The following EGFL7 variants were observed in gnomAD, a reference collection of about 807,000 sequenced individuals.
EGFL7 encodes EGF like domain multiple 7, also known as epidermal growth factor-like protein 7.
Under a neutral mutation model 37.1 loss-of-function variants are expected in EGFL7, and 48 were observed. The ratio of observed to expected loss-of-function variants is 1.29; its 90% CI spans 1.03 to 1.65. The LOEUF (loss-of-function observed/expected upper bound fraction) is 1.65. Among genes scored for constraint, EGFL7 ranks in the 40% most tolerant of loss-of-function variants. EGFL7 has a pLI of 0.00. For synonymous variants in EGFL7, 180 were observed against 156.8 expected, an observed-to-expected ratio of 1.15 and a Z score of -1.10; for missense variants, 384 against 378.9, an observed-to-expected ratio of 1.01 and a Z score of -0.11.
At chr9:136,669,522 C>T (rs1845698682) in intron 5 of EGFL7, 84 bp from the exon 6 acceptor site, 1 of 982,322 alleles carries the variant, frequency 1.0e-6, no homozygotes, top group Non-Finnish European at 1.6e-6. Context: ...TGACCCTGTG[C>T]ACTCTGAGAG....
In EGFL7 at chr9:136,670,969, GGAA is replaced by G. The variant is rs1845819135; in HGVS notation, c.596_598del (p.Glu199del). 2.6e-6 allele frequency: 4 copies of G among 1,518,766 alleles called. No homozygotes were observed. Among genetic ancestry groups the G allele is most frequent in the Non-Finnish European group, 3.5e-6 (4 of 1,139,174 alleles). 94.1% of individuals were successfully genotyped at this position (1,518,766 alleles called of 1,614,324 possible). On this transcript the variant is annotated inframe_deletion, in exon 9 of 11. Coordinates refer to ENST00000308874, the MANE Select transcript of EGFL7 (RefSeq NM_016215.5). ...CCGCAGGAGTGGACAGTGCAATGAA[GGAA>G]GAAGTGCAGAGGCTGCAGTCCAGGG...
At chr9:136,671,616 C>A (rs560538641) in intron 9 of EGFL7, among the ~76,000 whole-genome samples, 2 of 151,854 alleles carry the variant, frequency 1.3e-5, no homozygotes, top group African/African-American at 4.8e-5. Flanking sequence ...CCTCCCCACC[C>A]CCCCATCTTT....
At position 136,670,027 on chromosome 9, in the gene EGFL7, C is replaced by T; in HGVS notation, c.409+18C>T. 1 of 1,586,610 alleles carries T rather than the reference C, an allele frequency of 6.3e-7. No individual in the cohort carries two copies. Among genetic ancestry groups the T allele is most frequent in the East Asian group, 2.2e-5 (1 of 44,460 alleles). On this transcript the variant is annotated intron_variant, in intron 7 of 10. Transcript: ENST00000308874. The stretch of plus-strand genomic sequence containing the variant: ...CCAGTCAGGTGAGGCTGGCTCTACC[C>T]TGGGGGGCCCTGGAAGGGTCCTGGG...
At chr9:136,667,282 C>T (rs1361430101) in intron 3 of EGFL7, among the ~76,000 whole-genome samples, 1 of 152,214 alleles carries the variant, frequency 6.6e-6, no homozygotes, top group Non-Finnish European at 1.5e-5. Context: ...CCTGGCCTTT[C>T]CCTGCGGAGG....
chr9:136,668,547 AC>A lies in EGFL7; in HGVS notation c.81-5del, dbSNP rs1340274009. ...GGACTCCTGGGCTGACCCCCTCTCCACCCCCGCAGCCGTAGGGTGTGTGCTG... is the reference window on the plus strand; with the variant it reads ...GGACTCCTGGGCTGACCCCCTCTCCACCCCGCAGCCGTAGGGTGTGTGCTG... On this transcript the variant is annotated splice_polypyrimidine_tract_variant and intron_variant, in intron 4 of 10. Coordinates refer to ENST00000308874, the MANE Select transcript of EGFL7 (RefSeq NM_016215.5). The A allele has an allele frequency of 3.7e-6, 6 of 1,605,514 alleles. No homozygotes were observed. Among genetic ancestry groups the A allele is most frequent in the African/African-American group, 2.7e-5 (2 of 74,578 alleles).
chr9:136,670,866 G>A (rs1845809227), intron 8 of EGFL7, 84 bp from the exon 9 acceptor site: 5 of 1,327,120 alleles, frequency 3.8e-6, no homozygotes, highest in Non-Finnish European at 5.2e-6. Context: ...TTCTGGCTCT[G>A]CCTCTCCCTG....
chr9:136,664,944 ATTG>A (rs977151912), intron 3 of EGFL7, among the ~76,000 whole-genome samples, 159 bp downstream of exon 3: 3 of 152,206 alleles, frequency 2.0e-5, no homozygotes, highest in Non-Finnish European at 4.4e-5. Flanking sequence ...AGCTGTAACA[ATTG>A]TTGTGTGGCC....
At chr9:136,671,724 A>T (rs905331446) in intron 9 of EGFL7, among the ~76,000 whole-genome samples, 1 of 151,392 alleles carries the variant, frequency 6.6e-6, no homozygotes, top group Non-Finnish European at 1.5e-5. Context: ...GGCTGGGACC[A>T]CCCCGCCAGC....
Position 136,670,205 on chromosome 9 carries a change from C to T in EGFL7, c.446C>T (p.Pro149Leu). ...TGCAGTGCTAGGAGGGGCGGCTGTC[C>T]CCAGCGCTGCGTCAACACCGCCGGC... ...DECSARRGGC[P>L]QRCVNTAGSY... The change falls in exon 8 of 11, where the codon CCC (proline) becomes CTC (leucine). Residue 149 changes from proline (P) to leucine (L), a missense_variant. Coordinates refer to ENST00000308874, the MANE Select transcript of EGFL7 (RefSeq NM_016215.5). The T allele has an allele frequency of 1.9e-6, 3 of 1,612,580 alleles. No individual in the cohort carries two copies. Among genetic ancestry groups the T allele is most frequent in the Non-Finnish European group, 2.5e-6 (3 of 1,179,812 alleles).
chr9:136,671,861 C>T (rs931009541), intron 9 of EGFL7, 65 bp from the exon 10 acceptor site: 1 of 1,440,726 alleles, frequency 6.9e-7, no homozygotes, highest in South Asian at 1.4e-5. Flanking sequence ...GGGGTCCTCC[C>T]TAGACCCCGG....
chr9:136,661,937 G>A (rs1181593679), upstream of EGFL7, among the ~76,000 whole-genome samples: 2 of 152,194 alleles, frequency 1.3e-5, no homozygotes. Context: ...GTTGGGAGAG[G>A]CCCTGCTCTC....
chr9:136,672,137 G>C, intron 10 of EGFL7, 49 bp downstream of exon 10: 2 of 1,563,390 alleles, frequency 1.3e-6, no homozygotes, highest in Non-Finnish European at 1.7e-6. Context: ...TGGGCCCAGT[G>C]GGCCTAGAGG....
rs548805096 is a variant in EGFL7 at position 136,668,133 on chromosome 9, A to G, written c.-42-108A>G. 20 of 626,800 alleles carry G rather than the reference A, an allele frequency of 3.2e-5. No individual in the cohort carries two copies. In the African/African-American group the frequency reaches 3.5e-4, roughly 11 times the overall value. 38.8% of individuals were successfully genotyped at this position (626,800 alleles called of 1,614,324 possible). A position where few individuals can be genotyped will look rare whatever the true frequency, so the allele number is the denominator to read the frequency against. On this transcript the variant is annotated intron_variant, in intron 3 of 10. Coordinates refer to ENST00000308874, the MANE Select transcript of EGFL7 (RefSeq NM_016215.5). ...CACCGTGGGGCTGTCCCACCGGTGG[A>G]GGCTCCAGCGGAGATGAGCTGGGCA... is the stretch of plus-strand genomic sequence containing the variant.
chr9:136,665,794 C>G (rs1845428887), intron 3 of EGFL7: 1 of 145,742 alleles, frequency 6.9e-6, no homozygotes, highest in African/African-American at 2.5e-5. Flanking sequence ...GTGGCGGCGG[C>G]GCGTGCGCGC....
Position 136,666,487 on chromosome 9 carries a change from G to GC in EGFL7, c.-43+1710dup, listed in dbSNP as rs570055387. 9.4e-4 allele frequency among the ~76,000 whole-genome samples: 143 copies of GC among 151,854 alleles called. No individual in the cohort carries two copies. Among genetic ancestry groups the GC allele is most frequent in the East Asian group, 4.1e-3 (21 of 5,150 alleles). Reference sequence around the variant, plus strand: ...CCGGCACCCCTGGGTCGAGGCCGTGGCCCCCCCCGGGGAAATGGGGCTTGC... The same window carrying GC: ...CCGGCACCCCTGGGTCGAGGCCGTGGCCCCCCCCCGGGGAAATGGGGCTTGC... On this transcript the variant is annotated intron_variant, in intron 3 of 10. Transcript: ENST00000308874. The surrounding 1 kb of genome is among the most constrained non-coding windows in gnomAD (Gnocchi z 6.8).
At chr9:136,670,772 C>T in intron 8 of EGFL7, 178 bp from the exon 9 acceptor site, 1 of 736,378 alleles carries the variant, frequency 1.4e-6, no homozygotes, top group East Asian at 2.6e-5. Context: ...GCCACCCGCC[C>T]CGACGTACTT....
intron 3 of EGFL7, chr9:136,665,895 G>C (rs1412020337): frequency 6.9e-6 from 1 of 145,710 alleles, no homozygotes; most frequent in Non-Finnish European, 1.5e-5. Flanking sequence ...GGGACCCGCG[G>C]AGCCCCCGGG....
chr9:136,670,985 C>A lies in EGFL7; in HGVS notation c.607C>A (p.Leu203Met). The A allele has an allele frequency of 1.5e-6, 2 of 1,359,804 alleles. No individual in the cohort carries two copies. Among genetic ancestry groups the A allele is most frequent in the East Asian group, 4.7e-5 (1 of 21,280 alleles). The allele number at this position is 1,359,804 out of a possible 1,614,324, so 84.2% of individuals were successfully genotyped here. ...DSAMKEEVQR[L>M]QSRVDLLEEK... Reference sequence around the variant, plus strand: ...TGCAATGAAGGAAGAAGTGCAGAGGCTGCAGTCCAGGGTGGACCTGCTGGA... The same window carrying A: ...TGCAATGAAGGAAGAAGTGCAGAGGATGCAGTCCAGGGTGGACCTGCTGGA... Residue 203 changes from leucine to methionine, a missense_variant, in exon 9 of 11, where the codon CTG becomes ATG. Physicochemically the swap from Leu to Met is conservative, Grantham distance 15 (BLOSUM62 2). Transcript: ENST00000308874.
At chr9:136,660,201 C>T (rs1845054168), upstream of EGFL7, 1 of 152,444 alleles carries the variant, frequency 6.6e-6, no homozygotes, top group African/African-American at 2.4e-5. Context: ...CCCCAACCCC[C>T]TGGACCCCCA....
Sources: gnomAD v4.1 joint callset for allele counts (sites outside exome capture counted in the v4.1 genomes callset) on GRCh38, gnomAD v4.1.1 for gene constraint, Gnocchi (gnomAD v3.1) non-coding constraint, MANE v1.5 for transcripts, NCBI Gene and HGNC (gene_info 2026-07-23, HGNC 2026-07-21) for gene names.